ZC3H12B: variants seen among roughly 807,000 people sequenced by gnomAD.
ZC3H12B encodes probable ribonuclease ZC3H12B.
Under a neutral mutation model 43.9 loss-of-function variants are expected in ZC3H12B, and 7 were observed. That is an observed-to-expected ratio of 0.16 (90% CI 0.09 to 0.30). The LOEUF is 0.30. Among genes scored for constraint, ZC3H12B ranks in the 10% least tolerant of loss-of-function variants. ZC3H12B has a pLI of 1.00. For synonymous variants in ZC3H12B, 222 were observed against 241.7 expected (o/e 0.92, Z 0.76); for missense variants, 475 against 670.2 (o/e 0.71, Z 3.22).
the ZC3H12B span, among the ~76,000 whole-genome samples, chrX:65,182,116 G>C: frequency 3.6e-5 from 4 of 111,343 alleles, no homozygotes; most frequent in African/African-American, 1.3e-4. Context: ...CATGGATGAA[G>C]CTGGAAGTCA....
the ZC3H12B span, among the ~76,000 whole-genome samples, chrX:65,073,407 A>G: frequency 2.7e-5 from 3 of 112,066 alleles, no homozygotes; most frequent in African/African-American, 6.5e-5. Context: ...CAAGAGCTAC[A>G]ATGTAGGCCC....
chrX:65,146,976 C>T, the ZC3H12B span, among the ~76,000 whole-genome samples: 1 of 111,957 alleles, frequency 8.9e-6, no homozygotes, highest in African/African-American at 3.2e-5. Flanking sequence ...TGCAAGCCTC[C>T]ACATGCCACT....
At chrX:65,103,244 C>A in the ZC3H12B span, among the ~76,000 whole-genome samples, 1 of 111,561 alleles carries the variant, frequency 9.0e-6, no homozygotes, top group East Asian at 2.8e-4. Flanking sequence ...TTCTCTTTCT[C>A]AGGGCTGTTC....
At chrX:65,112,995 C>T in the ZC3H12B span, among the ~76,000 whole-genome samples, 1 of 111,494 alleles carries the variant, frequency 9.0e-6, no homozygotes, top group Non-Finnish European at 1.9e-5. Context: ...TTATAGATGC[C>T]ATTAAGGACA....
intron 2 of ZC3H12B, among the ~76,000 whole-genome samples, chrX:65,498,419 C>T (rs1224335555): frequency 1.8e-5 from 2 of 111,768 alleles, no homozygotes; most frequent in Non-Finnish European, 3.8e-5. Flanking sequence ...GCTGAACAGG[C>T]TCTTGAGCCT....
chrX:65,146,064 C>T, the ZC3H12B span, among the ~76,000 whole-genome samples: 85 of 111,216 alleles, frequency 7.6e-4, 1 homozygote, highest in African/African-American at 2.7e-3. Flanking sequence ...TCGATTATTC[C>T]CCCAAATATG....
chrX:65,159,384 T>A, the ZC3H12B span, among the ~76,000 whole-genome samples: 1 of 111,989 alleles, frequency 8.9e-6, no homozygotes, highest in South Asian at 3.7e-4. Context: ...ATGGTATTGA[T>A]TCTTCCTACC....
chrX:65,090,904 G>T, the ZC3H12B span, among the ~76,000 whole-genome samples: 6 of 110,619 alleles, frequency 5.4e-5, no homozygotes, highest in African/African-American at 2.0e-4. Flanking sequence ...CATGAGATCT[G>T]GTTGTTTAAA....
chrX:65,257,840 TA>T, the ZC3H12B span, among the ~76,000 whole-genome samples: 1 of 110,473 alleles, frequency 9.1e-6, no homozygotes, highest in East Asian at 2.8e-4. Context: ...AGGAAGAGAT[TA>T]AAGCCCTGAA....
chrX:65,320,870 T>A, the ZC3H12B span, among the ~76,000 whole-genome samples: 1 of 112,329 alleles, frequency 8.9e-6, no homozygotes. Context: ...ACTGGACCCC[T>A]TCCTTACATC....
At chrX:65,406,229 T>C (rs752370128) in intron 3 of ZC3H12B, among the ~76,000 whole-genome samples, 2 of 109,132 alleles carry the variant, frequency 1.8e-5, no homozygotes, top group African/African-American at 3.3e-5. Context: ...TGAATATCGA[T>C]GCAAAAATCC....
chrX:65,401,403 G>A (rs2066760831), intron 3 of ZC3H12B, among the ~76,000 whole-genome samples: 1 of 111,693 alleles, frequency 9.0e-6, no homozygotes, highest in South Asian at 3.7e-4. Flanking sequence ...TTAGCCAGAG[G>A]GTAGTCACCT....
At chrX:65,490,575 C>T (rs1023511894) in intron 1 of ZC3H12B, among the ~76,000 whole-genome samples, 6 of 111,007 alleles carry the variant, frequency 5.4e-5, no homozygotes, top group African/African-American at 2.0e-4. Context: ...TAATTTGTTA[C>T]AGCAGCAGTG....
At chrX:65,238,024 C>A in the ZC3H12B span, among the ~76,000 whole-genome samples, 3 of 111,173 alleles carry the variant, frequency 2.7e-5, no homozygotes, top group South Asian at 3.8e-4. Context: ...CTGAAGTTTT[C>A]TTTTATCTCT....
the ZC3H12B span, among the ~76,000 whole-genome samples, chrX:65,334,075 T>C: frequency 2.7e-5 from 3 of 112,223 alleles, no homozygotes; most frequent in Admixed American, 9.5e-5. Flanking sequence ...GTACTATTGA[T>C]GTCAAACCTA....
the ZC3H12B span, among the ~76,000 whole-genome samples, chrX:65,152,272 G>A: frequency 1.8e-5 from 2 of 111,422 alleles, no homozygotes; most frequent in African/African-American, 3.3e-5. Context: ...TATTCAACTA[G>A]GAAAAGAGGA....
At chrX:65,475,434 T>C (rs1415899970) in intron 3 of ZC3H12B, among the ~76,000 whole-genome samples, 2 of 110,400 alleles carry the variant, frequency 1.8e-5, no homozygotes, top group Non-Finnish European at 3.8e-5. Context: ...TATTCTTTGA[T>C]GGCAGTTTTT....
the ZC3H12B span, among the ~76,000 whole-genome samples, chrX:65,190,170 T>C: frequency 1.8e-5 from 2 of 110,737 alleles, no homozygotes; most frequent in Non-Finnish European, 3.8e-5. Flanking sequence ...TCTGTTTTGG[T>C]ACCAGTACCA....
At chrX:65,332,617 C>T in the ZC3H12B span, among the ~76,000 whole-genome samples, 1 of 111,156 alleles carries the variant, frequency 9.0e-6, no homozygotes, top group East Asian at 2.8e-4. Flanking sequence ...TATTACCTAT[C>T]CCTCTTGTTT....
Sources: allele counts gnomAD v4.1 joint callset (sites outside exome capture counted in the v4.1 genomes callset), GRCh38; gene constraint gnomAD v4.1.1; transcripts MANE v1.5; gene names NCBI Gene and HGNC (gene_info 2026-07-23, HGNC 2026-07-21).